The following ZBTB10 variants were observed in gnomAD, a reference collection of about 807,000 sequenced individuals.
ZBTB10 encodes the protein zinc finger and BTB domain containing 10, also known as zinc finger and BTB domain-containing protein 10.
A neutral mutation model predicts 76.4 loss-of-function variants in ZBTB10; 32 were observed. The observed-to-expected ratio is 0.42, with a 90% CI of 0.32 to 0.56. ZBTB10 has a LOEUF of 0.56. Ranked by LOEUF, ZBTB10 falls within the 20% of genes least tolerant of loss-of-function variation. The pLI, the probability that ZBTB10 is intolerant of heterozygous loss-of-function variation, is 0.14. For synonymous variants in ZBTB10, 523 were observed against 432.9 expected, an observed-to-expected ratio of 1.21 and a Z score of -2.58; for missense variants, 1,057 against 1,098.5, an observed-to-expected ratio of 0.96 and a Z score of 0.53.
At chr8:80,517,204 G>T (rs117842709) in intron 3 of ZBTB10, among the ~76,000 whole-genome samples, 3,891 of 152,282 alleles carry the variant, frequency 0.026, 77 homozygotes, top group South Asian at 0.05. Flanking sequence ...TAAAGAATCT[G>T]TGATTTCTCT....
rs375071529 is a variant in ZBTB10 at position 80,493,207 on chromosome 8, G to GCGCACACA, written c.972+5426_972+5427insGCACACAC. Among the ~76,000 whole-genome samples the GCGCACACA allele has an allele frequency of 6.0e-3, 756 of 125,256 alleles. 3 individuals are homozygous for GCGCACACA. Among genetic ancestry groups the GCGCACACA allele is most frequent in the East Asian group, 9.4e-3 (39 of 4,168 alleles). 82.2% of individuals were successfully genotyped at this position (125,256 alleles called of 152,430 possible). A position where few individuals can be genotyped will look rare whatever the true frequency, so the allele number is the denominator to read the frequency against. ...TGTGCCTCAAAACGCGCGCGCGCGC[G>GCGCACACA]CACACACACACACACACACACACAC... On this transcript the variant is annotated intron_variant, in intron 1 of 5. Coordinates refer to ENST00000455036, the MANE Select transcript of ZBTB10 (RefSeq NM_001105539.3).
At position 80,499,934 on chromosome 8, in the gene ZBTB10, T is replaced by C. The variant is rs1563460155; in HGVS notation, c.1413T>C (p.Ala471=). The part of the protein sequence containing the change: ...DALNISIKSE[A]PESVVVDYNN... ...TAAATATAAGCATTAAATCAGAAGC[T>C]CCAGAGTCTGTAGTTGTGGACTATA... The change falls in exon 2 of 6, where the codon GCT becomes GCC. Residue 471 remains alanine (A), a synonymous_variant. Transcript: ENST00000455036. The C allele has an allele frequency of 6.2e-7, 1 of 1,613,920 alleles. No individual in the cohort carries two copies. The highest frequency in any genetic ancestry group is 1.7e-5 in the Admixed American group (1 of 60,018).
In ZBTB10 at chr8:80,523,910, C is replaced by A. The variant is rs1009715903; in HGVS notation, c.*4382C>A. The A allele has an allele frequency of 1.4e-4, 21 of 151,926 alleles. No individual in the cohort carries two copies. Among genetic ancestry groups the A allele is most frequent in the Admixed American group, 3.3e-4 (5 of 15,224 alleles). 9.4% of individuals were successfully genotyped at this position (151,926 alleles called of 1,614,324 possible). On this transcript the variant is annotated 3_prime_UTR_variant, in exon 6 of 6. Coordinates refer to ENST00000455036, the MANE Select transcript of ZBTB10 (RefSeq NM_001105539.3). ...TCTTTGGGAAGATCTTTTACGAAGACCAACTTTTTAAAATGTAAATTACCT... is the reference window on the plus strand; with the variant it reads ...TCTTTGGGAAGATCTTTTACGAAGAACAACTTTTTAAAATGTAAATTACCT...
At position 80,509,445 on chromosome 8, in the gene ZBTB10, T is replaced by C. The variant is rs1816137274; in HGVS notation, c.1862-4465T>C. Among the ~76,000 whole-genome samples, 6 of 152,164 alleles carry C rather than the reference T, an allele frequency of 3.9e-5. No individual in the cohort carries two copies. The South Asian group carries it at 1.0e-3, about 26-fold the overall frequency. On this transcript the variant is annotated intron_variant, in intron 2 of 5. Coordinates refer to ENST00000455036, the MANE Select transcript of ZBTB10 (RefSeq NM_001105539.3). ...CTGCACTTGCCTAATGGTTGGAATATTGAGAACCACAAGCAAATAGTCAGG... is the reference window on the plus strand; with the variant it reads ...CTGCACTTGCCTAATGGTTGGAATACTGAGAACCACAAGCAAATAGTCAGG...
chr8:80,506,510 G>GT lies in ZBTB10; in HGVS notation c.1861+6135dup, dbSNP rs576909508. Among the ~76,000 whole-genome samples, 175 of 149,390 alleles carry GT rather than the reference G, an allele frequency of 1.2e-3. 2 individuals are homozygous for GT. In the South Asian group the frequency reaches 0.017, roughly 15 times the overall value. On this transcript the variant is annotated intron_variant, in intron 2 of 5. Transcript: ENST00000455036. ...TGTATTTTTAGTAGAGACGAGACGG[G>GT]TTTTTTTCATGTTGGTGAGGCTGGT...
At position 80,523,223 on chromosome 8, in the gene ZBTB10, A is replaced by G. The variant is rs987855623; in HGVS notation, c.*3695A>G. On this transcript the variant is annotated 3_prime_UTR_variant, in exon 6 of 6. Coordinates refer to ENST00000455036, the MANE Select transcript of ZBTB10 (RefSeq NM_001105539.3). ...GACCACGTCTGATTCTGAAGCCCAT[A>G]CTCTTTCAGGGAGGCTCTATTGCTG... 3 of 151,770 alleles carry G rather than the reference A, an allele frequency of 2.0e-5. No individual in the cohort carries two copies. Among genetic ancestry groups the G allele is most frequent in the Admixed American group, 6.6e-5 (1 of 15,202 alleles). 9.4% of individuals were successfully genotyped at this position (151,770 alleles called of 1,614,324 possible).
In ZBTB10 at chr8:80,524,362, T is replaced by C. The variant is rs1816507480; in HGVS notation, c.*4834T>C. ...AAGATTCTCTACAGGTTTTAGAAAA[T>C]ATTAAAAATTCCCTGTAATTTACAT... is the stretch of plus-strand genomic sequence containing the variant. On this transcript the variant is annotated 3_prime_UTR_variant, in exon 6 of 6. Coordinates refer to ENST00000455036, the MANE Select transcript of ZBTB10 (RefSeq NM_001105539.3). The C allele has an allele frequency of 6.6e-6, 1 of 152,070 alleles. No individual in the cohort carries two copies. The highest frequency in any genetic ancestry group is 2.4e-5 in the African/African-American group (1 of 41,442). 9.4% of individuals were successfully genotyped at this position (152,070 alleles called of 1,614,324 possible).
chr8:80,511,258 A>G (rs979702801), intron 2 of ZBTB10, among the ~76,000 whole-genome samples: 6 of 152,230 alleles, frequency 3.9e-5, no homozygotes, highest in Admixed American at 3.3e-4. Context: ...TAGAAATCAC[A>G]AATTCTAATA....
chr8:80,489,601 G>A (rs1815571807), intron 1 of ZBTB10, among the ~76,000 whole-genome samples: 1 of 152,132 alleles, frequency 6.6e-6, no homozygotes, highest in African/African-American at 2.4e-5. Flanking sequence ...GCATTAATTG[G>A]ATAACCTTAA....
At position 80,498,581 on chromosome 8, in the gene ZBTB10, G is replaced by C. The variant is rs113423641; in HGVS notation, c.973-913G>C. Among the ~76,000 whole-genome samples, 1,495 of 152,268 alleles carry C rather than the reference G, an allele frequency of 9.8e-3. 15 individuals are homozygous for C. The highest frequency in any genetic ancestry group is 0.024 in the Middle Eastern group (7 of 294). On this transcript the variant is annotated intron_variant, in intron 1 of 5. Transcript: ENST00000455036. ...GCTTACCCACCTAGTCACTGTATGA[G>C]GAAAGTCATAAAGTTTTAACTAACA...
Position 80,486,714 on chromosome 8 carries a change from G to C in ZBTB10, c.-97G>C. 2.0e-6 allele frequency: 2 copies of C among 999,948 alleles called. No homozygotes were observed. The highest frequency in any genetic ancestry group is 2.4e-6 in the Non-Finnish European group (2 of 840,284). The allele number at this position is 999,948 out of a possible 1,614,324, so 61.9% of individuals were successfully genotyped here. On this transcript the variant is annotated 5_prime_UTR_variant, in exon 1 of 6. Transcript: ENST00000455036. ...CGCGAGACCGGAACGCCGGGGGCGG[G>C]GGCGAGACAGAGGGGGAGCCGCGGG...
intron 1 of ZBTB10, among the ~76,000 whole-genome samples, chr8:80,495,020 G>T (rs1283966411): frequency 6.6e-6 from 1 of 151,868 alleles, no homozygotes; most frequent in East Asian, 1.9e-4. Context: ...GCTGCCATAG[G>T]CATCTCTCCT....
At chr8:80,486,180 C>T (rs1479683200), upstream of ZBTB10, 37 of 1,167,066 alleles carry the variant, frequency 3.2e-5, no homozygotes, top group Non-Finnish European at 3.7e-5. Flanking sequence ...CCCCCTCCAG[C>T]GGTTACTGCT....
rs772983502 is a variant in ZBTB10, at chr8:80,520,310, C to G, written c.*782C>G. ...ATGATTATGATTTAGAAGTAACTTT[C>G]TTCTGCTGCTCTAATCTGATAAATG... On this transcript the variant is annotated 3_prime_UTR_variant, in exon 6 of 6. Transcript: ENST00000455036. The G allele has an allele frequency of 2.0e-5, 3 of 152,494 alleles. No homozygotes were observed. Among genetic ancestry groups the G allele is most frequent in the Non-Finnish European group, 2.9e-5 (2 of 67,958 alleles). The allele number at this position is 152,494 out of a possible 1,614,324, so 9.4% of individuals were successfully genotyped here. A position where few individuals can be genotyped will look rare whatever the true frequency, so the allele number is the denominator to read the frequency against.
chr8:80,491,699 TA>T (rs1211444689), intron 1 of ZBTB10, among the ~76,000 whole-genome samples: 1 of 152,248 alleles, frequency 6.6e-6, no homozygotes, highest in African/African-American at 2.4e-5. Flanking sequence ...GAGTCAGGTT[TA>T]ATGATTAGCT....
At chr8:80,486,121 G>A, upstream of ZBTB10, 1 of 274,314 alleles carries the variant, frequency 3.6e-6, no homozygotes, top group Non-Finnish European at 5.9e-6. Flanking sequence ...CCCCACCCCA[G>A]CCCAGCCCCA....
Position 80,486,245 on chromosome 8 carries a change from C to T in ZBTB10, c.-566C>T, listed in dbSNP as rs747870186. Reference sequence around the variant, plus strand: ...TTGTTCATTTGCCATTCGACCTCCGCCAGGGCCTGGTCGGACGGAAACGCT... The same window carrying T: ...TTGTTCATTTGCCATTCGACCTCCGTCAGGGCCTGGTCGGACGGAAACGCT... On this transcript the variant is annotated 5_prime_UTR_variant, in exon 1 of 6. Transcript: ENST00000455036. 8.2e-4 allele frequency: 844 copies of T among 1,031,826 alleles called. 1 individual carries two copies. The highest frequency in any genetic ancestry group is 8.9e-4 in the Non-Finnish European group (763 of 861,406). The allele number at this position is 1,031,826 out of a possible 1,614,324, so 63.9% of individuals were successfully genotyped here. A position where few individuals can be genotyped will look rare whatever the true frequency, so the allele number is the denominator to read the frequency against.
Position 80,486,649 on chromosome 8 carries a change from C to T in ZBTB10, c.-162C>T, listed in dbSNP as rs1815464687. ...CGCGTGCAGCAGACCCGGGAGCGAG[C>T]GCGAGCCGGGCTGCCGGGCGAGAGG... On this transcript the variant is annotated 5_prime_UTR_variant, in exon 1 of 6. Transcript: ENST00000455036. The T allele has an allele frequency of 1.0e-5, 10 of 987,410 alleles. No individual in the cohort carries two copies. Among genetic ancestry groups the T allele is most frequent in the Non-Finnish European group, 1.2e-5 (10 of 831,582 alleles). The allele number at this position is 987,410 out of a possible 1,614,324, so 61.2% of individuals were successfully genotyped here.
chr8:80,513,086 C>G (rs142077358), intron 2 of ZBTB10, among the ~76,000 whole-genome samples: 1 of 152,036 alleles, frequency 6.6e-6, no homozygotes, highest in Admixed American at 6.6e-5. Context: ...TTCTCACTGT[C>G]TCATCTGTTT....
Sources: allele counts gnomAD v4.1 joint callset (sites outside exome capture counted in the v4.1 genomes callset), GRCh38; gene constraint gnomAD v4.1.1; transcripts MANE v1.5; gene names NCBI Gene and HGNC (gene_info 2026-07-23, HGNC 2026-07-21).